Variants in GLT6D1 observed in about 807,000 individuals in gnomAD.
GLT6D1 encodes putative glycosyltransferase 6 domain-containing protein 1.
In GLT6D1, 9 loss-of-function variants were observed where a neutral mutation model predicts 12.3. That is an observed-to-expected ratio of 0.73 (90% confidence interval 0.44 to 1.27). The LOEUF is 1.27. GLT6D1 is among the 50% of genes most tolerant of loss of function. The pLI is 0.00. For synonymous variants in GLT6D1, 128 were observed against 132.3 expected, an observed-to-expected ratio of 0.97 and a Z score of 0.23; for missense variants, 335 against 346.2, an observed-to-expected ratio of 0.97 and a Z score of 0.26.
At chr9:135,629,725 C>T (rs1276657497) in intron 3 of GLT6D1, among the ~76,000 whole-genome samples, 1 of 152,068 alleles carries the variant, frequency 6.6e-6, no homozygotes, top group African/African-American at 2.4e-5. Context: ...TCAATTTCTC[C>T]CTTCAATTCT....
chr9:135,629,036 C>A (rs552760947), intron 3 of GLT6D1, among the ~76,000 whole-genome samples: 30 of 151,970 alleles, frequency 2.0e-4, no homozygotes, highest in African/African-American at 7.0e-4. Flanking sequence ...CTCTATTATT[C>A]TTCTATTTTC....
Position 135,639,494 on chromosome 9 carries a change from A to C in GLT6D1, c.-208T>G, listed in dbSNP as rs1382806764. On this transcript the variant is annotated 5_prime_UTR_variant, in exon 1 of 5. Transcript: ENST00000371763. ...AAATCTCTCCACTGCAGGGCTGTGC[A>C]AATAGAATGAGGTCTTGATGAGGAA... 4.9e-6 allele frequency: 1 copy of C among 203,948 alleles called. No homozygotes were observed. Among genetic ancestry groups the C allele is most frequent in the Admixed American group, 5.8e-5 (1 of 17,126 alleles). 12.6% of individuals were successfully genotyped at this position (203,948 alleles called of 1,614,324 possible).
At chr9:135,626,542 C>T in intron 3 of GLT6D1, among the ~76,000 whole-genome samples, 1 of 152,224 alleles carries the variant, frequency 6.6e-6, no homozygotes, top group East Asian at 1.9e-4. Context: ...CTTTTCCAAG[C>T]TCTGACTACA....
intron 3 of GLT6D1, among the ~76,000 whole-genome samples, chr9:135,626,471 T>C (rs6537903): frequency 0.97 from 148,374 of 152,240 alleles, 72,425 homozygotes; most frequent in South Asian, 1. Context: ...ACATCCAGCC[T>C]ACCTGGCTCC....
In GLT6D1 at chr9:135,624,457, G is replaced by A. The variant is rs201880453; in HGVS notation, c.471C>T (p.His157=). Residue 157 remains histidine, a synonymous_variant, in exon 5 of 5, where the codon CAC becomes CAT. Coordinates refer to ENST00000371763, the MANE Select transcript of GLT6D1 (RefSeq NM_182974.3). ...CCTCGTCCTGGATGTGACTGGCGAT[G>A]TGTTCACCCAGGCTCTTCACATGCA... ...PLVHVKSLGE[H]IASHIQDEVD... is the part of the protein sequence containing the mutation. The A allele has an allele frequency of 2.5e-6, 4 of 1,614,124 alleles. No individual in the cohort carries two copies. Among genetic ancestry groups the A allele is most frequent in the African/African-American group, 2.7e-5 (2 of 75,038 alleles).
chr9:135,628,359 T>C (rs1387020623), intron 3 of GLT6D1, among the ~76,000 whole-genome samples: 1 of 152,142 alleles, frequency 6.6e-6, no homozygotes, highest in African/African-American at 2.4e-5. Flanking sequence ...ATATTCTGTA[T>C]TCTATTAATA....
At chr9:135,632,135 C>A (rs1395781833) in intron 2 of GLT6D1, among the ~76,000 whole-genome samples, 1 of 64,928 alleles carries the variant, frequency 1.5e-5, no homozygotes, top group Non-Finnish European at 2.9e-5. Context: ...ACCCTGGGAG[C>A]AATTTTTTTT....
chr9:135,635,235 G>C (rs548317956), intron 2 of GLT6D1, among the ~76,000 whole-genome samples: 1 of 152,124 alleles, frequency 6.6e-6, no homozygotes. Context: ...TGCTCAAAAG[G>C]CTTCAGCTTT....
intron 2 of GLT6D1, among the ~76,000 whole-genome samples, chr9:135,637,504 AC>A (rs1833802764): frequency 6.6e-6 from 1 of 151,852 alleles, no homozygotes; most frequent in African/African-American, 2.4e-5. Context: ...TTGCATTCCC[AC>A]CAGCAATGAA....
upstream of GLT6D1, among the ~76,000 whole-genome samples, chr9:135,640,772 T>C (rs1191281461): frequency 6.6e-6 from 1 of 152,132 alleles, no homozygotes; most frequent in African/African-American, 2.4e-5. Flanking sequence ...TCACATTATA[T>C]TTCTATGGGG....
Position 135,624,111 on chromosome 9 carries a change from T to C in GLT6D1, c.817A>G (p.Asn273Asp), listed in dbSNP as rs755178033. ...EKHLNKYFYLNKPT is the reference protein window; with the variant it reads ...EKHLNKYFYLDKPT Reference sequence around the variant, plus strand: ...GGTGATAACAGCTAGGTGGGTTTATTGAGGTAAAAATATTTGTTAAGGTGC... The same window carrying C: ...GGTGATAACAGCTAGGTGGGTTTATCGAGGTAAAAATATTTGTTAAGGTGC... The change falls in exon 5 of 5, where the codon AAT becomes GAT. Residue 273 changes from asparagine to aspartate, a missense_variant. Physicochemically the swap from Asn to Asp is conservative, Grantham distance 23. Coordinates refer to ENST00000371763, the MANE Select transcript of GLT6D1 (RefSeq NM_182974.3). 3.7e-6 allele frequency: 6 copies of C among 1,611,022 alleles called. No individual in the cohort carries two copies. In the East Asian group the frequency reaches 1.1e-4, roughly 30 times the overall value.
At chr9:135,626,438 T>C (rs1449509385) in intron 3 of GLT6D1, among the ~76,000 whole-genome samples, 3 of 152,182 alleles carry the variant, frequency 2.0e-5, no homozygotes, top group Admixed American at 2.0e-4. Flanking sequence ...TGCCTGACAC[T>C]GCAGTTAACA....
At chr9:135,631,349 G>A in intron 3 of GLT6D1, 82 bp downstream of exon 3, 2 of 1,098,370 alleles carry the variant, frequency 1.8e-6, no homozygotes, top group Non-Finnish European at 2.8e-6. Context: ...GCTGAATTTG[G>A]TGACTGGGGA....
intron 3 of GLT6D1, among the ~76,000 whole-genome samples, chr9:135,630,793 T>C (rs7870610): frequency 0.44 from 66,409 of 151,908 alleles, 14,683 homozygotes; most frequent in East Asian, 0.61. Flanking sequence ...ACTAGCAGCT[T>C]TGCCAAACAT....
upstream of GLT6D1, chr9:135,639,554 G>T (rs1031226351): frequency 6.2e-6 from 1 of 162,090 alleles, no homozygotes; most frequent in Admixed American, 6.4e-5. Flanking sequence ...TTCTGCCCCC[G>T]AAGTCGACTT....
In GLT6D1 at chr9:135,634,442, C is replaced by CTTTTTTTT. The variant is rs370291630; in HGVS notation, c.72-2972_72-2965dup. On this transcript the variant is annotated intron_variant, in intron 2 of 4. Coordinates refer to ENST00000371763, the MANE Select transcript of GLT6D1 (RefSeq NM_182974.3). ...CATGCCTGGCCTTGTTTTTCCTTTC[C>CTTTTTTTT]TTTTTTTTTTTTTTTTTTTTTTGGC... 1.9e-3 allele frequency among the ~76,000 whole-genome samples: 104 copies of CTTTTTTTT among 54,800 alleles called. 2 individuals carry two copies. The highest frequency in any genetic ancestry group is 3.7e-3 in the African/African-American group (46 of 12,302). The allele number at this position is 54,800 out of a possible 152,430, so 36.0% of individuals were successfully genotyped here.
At position 135,639,208 on chromosome 9, in the gene GLT6D1, A is replaced by G. The variant is rs374644790; in HGVS notation, c.-6-15T>C. 64 of 1,350,238 alleles carry G rather than the reference A, an allele frequency of 4.7e-5. No homozygotes were observed. In the African/African-American group the frequency reaches 8.7e-4, roughly 18 times the overall value. 83.6% of individuals were successfully genotyped at this position (1,350,238 alleles called of 1,614,324 possible). ...TTCATTCTCTCCTAGGGAAAGAAGG[A>G]GAAAAAATTAGATTTTAAGCAATAA... On this transcript the variant is annotated splice_polypyrimidine_tract_variant and intron_variant, in intron 1 of 4. Coordinates refer to ENST00000371763, the MANE Select transcript of GLT6D1 (RefSeq NM_182974.3).
intron 2 of GLT6D1, 119 bp from the exon 3 acceptor site, chr9:135,631,597 G>A (rs1447233661): frequency 3.9e-6 from 3 of 771,130 alleles, no homozygotes; most frequent in South Asian, 2.8e-5. Flanking sequence ...TCAGAGTCAG[G>A]GGAAGCCTCC....
chr9:135,627,291 G>C (rs1018449231), intron 3 of GLT6D1, among the ~76,000 whole-genome samples: 9 of 152,008 alleles, frequency 5.9e-5, no homozygotes, highest in African/African-American at 1.9e-4. Context: ...CAAAGTTTCA[G>C]GATACAAGAT....
Sources: allele counts gnomAD v4.1 joint callset (sites outside exome capture counted in the v4.1 genomes callset), GRCh38; gene constraint gnomAD v4.1.1; transcripts MANE v1.5; gene names NCBI Gene and HGNC (gene_info 2026-07-23, HGNC 2026-07-21).